FAF2: variants seen among roughly 807,000 people sequenced by gnomAD.
FAF2 encodes the protein Fas associated factor family member 2, also known as FAS-associated factor 2.
A neutral mutation model predicts 62.3 loss-of-function variants in FAF2; 9 were observed. That is an observed-to-expected ratio of 0.14 (90% CI 0.09 to 0.25). The LOEUF (loss-of-function observed/expected upper bound fraction) is 0.25. FAF2 is among the 10% of genes least tolerant of loss of function. FAF2 has a pLI of 1.00. For missense variants in FAF2, 368 were observed against 556.2 expected, an observed-to-expected ratio of 0.66 and a Z score of 3.40; for synonymous variants, 202 against 198.0, an observed-to-expected ratio of 1.02 and a Z score of -0.17.
chr5:176,467,513 T>A (rs572747391), intron 1 of FAF2, among the ~76,000 whole-genome samples: 2 of 152,176 alleles, frequency 1.3e-5, no homozygotes, highest in Non-Finnish European at 2.9e-5. Context: ...TTTGTATTTA[T>A]ACAGAACCGG....
At chr5:176,493,060 C>A (rs1404812502) in intron 5 of FAF2, among the ~76,000 whole-genome samples, 1 of 151,994 alleles carries the variant, frequency 6.6e-6, no homozygotes, top group Non-Finnish European at 1.5e-5. Flanking sequence ...CTCTAGTTTG[C>A]CAGAGAAATA....
At position 176,498,922 on chromosome 5, in the gene FAF2, G is replaced by T. The variant is rs1183215058; in HGVS notation, c.848G>T (p.Arg283Ile). The T allele has an allele frequency of 6.3e-7, 1 of 1,593,204 alleles. No individual in the cohort carries two copies. Among genetic ancestry groups the T allele is most frequent in the Non-Finnish European group, 8.5e-7 (1 of 1,170,164 alleles). Residue 283 changes from arginine to isoleucine, a missense_variant, in exon 9 of 11, where the codon AGA becomes ATA. Physicochemically the swap from Arg to Ile is moderately conservative, Grantham distance 97. Around this residue, in one of 2 missense-constraint regions of FAF2, gnomAD observed 331 missense variants for 441.9 expected, o/e 0.75. Coordinates refer to ENST00000261942, the MANE Select transcript of FAF2 (RefSeq NM_014613.3). Reference sequence around the variant, plus strand: ...TTTTGATCTATTCACAGGGAAGAAAGAAACCAGACCCAAGTGCTGAGACAA... The same window carrying T: ...TTTTGATCTATTCACAGGGAAGAAATAAACCAGACCCAAGTGCTGAGACAA... ...LVSERLEREE[R>I]NQTQVLRQQQ...
chr5:176,477,367 G>A (rs1297953499), intron 1 of FAF2, among the ~76,000 whole-genome samples: 1 of 151,378 alleles, frequency 6.6e-6, no homozygotes, highest in Non-Finnish European at 1.5e-5. Flanking sequence ...GATTACAGGC[G>A]TGAGCCACCA....
chr5:176,496,127 A>G (rs1482265992), intron 7 of FAF2, among the ~76,000 whole-genome samples: 2 of 152,126 alleles, frequency 1.3e-5, no homozygotes, highest in Non-Finnish European at 2.9e-5. Flanking sequence ...AGCCTGTCCT[A>G]TTCTAGTCAA....
chr5:176,481,251 T>C (rs1758779576), intron 2 of FAF2, among the ~76,000 whole-genome samples: 1 of 152,090 alleles, frequency 6.6e-6, no homozygotes, highest in African/African-American at 2.4e-5. Flanking sequence ...TTTCACCATA[T>C]TGGCCAGGCT....
chr5:176,460,245 C>T (rs1758354794), intron 1 of FAF2, among the ~76,000 whole-genome samples: 1 of 151,866 alleles, frequency 6.6e-6, no homozygotes, highest in African/African-American at 2.4e-5. Context: ...GGGTGTATAC[C>T]CATTAATGGG....
At position 176,507,247 on chromosome 5, in the gene FAF2, A is replaced by G. The variant is rs1272669890; in HGVS notation, c.*297A>G. ...ACCTTCCAGTGAACAGAGACTCTTC[A>G]CCTTCGACCCATCCATTGTCCCAGC... On this transcript the variant is annotated 3_prime_UTR_variant, in exon 11 of 11. Coordinates refer to ENST00000261942, the MANE Select transcript of FAF2 (RefSeq NM_014613.3). The G allele has an allele frequency of 8.8e-6, 4 of 452,848 alleles. No homozygotes were observed. The highest frequency in any genetic ancestry group is 4.0e-5 in the African/African-American group (2 of 49,630). The allele number at this position is 452,848 out of a possible 1,614,324, so 28.1% of individuals were successfully genotyped here.
chr5:176,470,352 C>T (rs556981493), intron 1 of FAF2, among the ~76,000 whole-genome samples: 5 of 152,260 alleles, frequency 3.3e-5, no homozygotes, highest in South Asian at 4.1e-4. Context: ...CCGAGGCGGG[C>T]GGATCACCTG....
At chr5:176,491,592 G>T (rs772076597) in intron 4 of FAF2, among the ~76,000 whole-genome samples, 1 of 152,166 alleles carries the variant, frequency 6.6e-6, no homozygotes, top group Non-Finnish European at 1.5e-5. Context: ...GAAAGGAGAA[G>T]GAGGGGCAAG....
At position 176,507,033 on chromosome 5, in the gene FAF2, A is replaced by T. The variant is rs1005866816; in HGVS notation, c.*83A>T. 1.0e-6 allele frequency: 1 copy of T among 958,078 alleles called. No individual in the cohort carries two copies. The allele number at this position is 958,078 out of a possible 1,614,324, so 59.3% of individuals were successfully genotyped here. A position where few individuals can be genotyped will look rare whatever the true frequency, so the allele number is the denominator to read the frequency against. On this transcript the variant is annotated 3_prime_UTR_variant, in exon 11 of 11. Transcript: ENST00000261942. Reference sequence around the variant, plus strand: ...AAAACAACAGCAAGTCAGAAAAAAAAAACAAGAGAGAGAAATTCATATTAT... The same window carrying T: ...AAAACAACAGCAAGTCAGAAAAAAATAACAAGAGAGAGAAATTCATATTAT...
At position 176,494,341 on chromosome 5, in the gene FAF2, T is replaced by C. The variant is rs1759024801; in HGVS notation, c.661+66T>C. The C allele has an allele frequency of 7.7e-7, 1 of 1,291,202 alleles. No homozygotes were observed. The highest frequency in any genetic ancestry group is 1.1e-6 in the Non-Finnish European group (1 of 887,254). The allele number at this position is 1,291,202 out of a possible 1,614,324, so 80.0% of individuals were successfully genotyped here. A position where few individuals can be genotyped will look rare whatever the true frequency, so the allele number is the denominator to read the frequency against. On this transcript the variant is annotated intron_variant, in intron 7 of 10. Transcript: ENST00000261942. This position sits in a 1 kb window ranked among gnomAD's most constrained non-coding sequence, Gnocchi z 4.0. ...ATCTTTGGAATAGTCTGGAAAGACATGCCATGCCATTTATTACAAGTGTGT... is the reference window on the plus strand; with the variant it reads ...ATCTTTGGAATAGTCTGGAAAGACACGCCATGCCATTTATTACAAGTGTGT...
chr5:176,494,401 T>C lies in FAF2; in HGVS notation c.661+126T>C. 3.9e-6 allele frequency: 3 copies of C among 763,452 alleles called. No homozygotes were observed. Among genetic ancestry groups the C allele is most frequent in the Non-Finnish European group, 6.9e-6 (3 of 436,964 alleles). The allele number at this position is 763,452 out of a possible 1,614,324, so 47.3% of individuals were successfully genotyped here. A position where few individuals can be genotyped will look rare whatever the true frequency, so the allele number is the denominator to read the frequency against. On this transcript the variant is annotated intron_variant, in intron 7 of 10. Coordinates refer to ENST00000261942, the MANE Select transcript of FAF2 (RefSeq NM_014613.3). This position sits in a 1 kb window ranked among gnomAD's most constrained non-coding sequence, Gnocchi z 4.0. The stretch of plus-strand genomic sequence containing the variant: ...GGTAGATACGACGCTAGTTGCTATT[T>C]TATATTGTCTCATTTAATCCTCTCA...
chr5:176,480,679 C>T (rs2113733473), intron 2 of FAF2, among the ~76,000 whole-genome samples: 1 of 151,956 alleles, frequency 6.6e-6, no homozygotes, highest in Non-Finnish European at 1.5e-5. Context: ...TCCCAAAGTA[C>T]TGGGATTACA....
At chr5:176,493,658 C>T (rs1759013472) in intron 5 of FAF2, among the ~76,000 whole-genome samples, 1 of 152,172 alleles carries the variant, frequency 6.6e-6, no homozygotes, top group Non-Finnish European at 1.5e-5. Context: ...TCAGATTCTC[C>T]TGTTTTTATC....
intron 1 of FAF2, among the ~76,000 whole-genome samples, chr5:176,463,993 G>T (rs1758423849): frequency 6.6e-6 from 1 of 152,156 alleles, no homozygotes; most frequent in Non-Finnish European, 1.5e-5. Flanking sequence ...GCCTCCCATA[G>T]TGCTGAGATT....
chr5:176,460,029 C>T (rs543423642), intron 1 of FAF2, among the ~76,000 whole-genome samples: 2 of 152,214 alleles, frequency 1.3e-5, no homozygotes, highest in Non-Finnish European at 2.9e-5. Context: ...TGACGGCCTC[C>T]GGCTACATCC....
chr5:176,457,402 G>C (rs914259874), intron 1 of FAF2, among the ~76,000 whole-genome samples: 4 of 151,986 alleles, frequency 2.6e-5, no homozygotes, highest in Non-Finnish European at 5.9e-5. Context: ...TGTTGGGCAG[G>C]CTGGTCTCGA....
intron 1 of FAF2, among the ~76,000 whole-genome samples, chr5:176,462,086 G>T (rs1455399116): frequency 6.6e-6 from 1 of 152,140 alleles, no homozygotes; most frequent in Admixed American, 6.6e-5. Flanking sequence ...AGACCAGCCT[G>T]GCCAATGTGG....
intron 1 of FAF2, among the ~76,000 whole-genome samples, chr5:176,475,329 C>A (rs1320701884): frequency 1.3e-5 from 2 of 151,994 alleles, no homozygotes; most frequent in Non-Finnish European, 2.9e-5. Flanking sequence ...GATGGAGTTT[C>A]TCTATATTGG....
Sources: gnomAD v4.1 joint callset for allele counts (sites outside exome capture counted in the v4.1 genomes callset) on GRCh38, gnomAD v4.1.1 for gene constraint, gnomAD v4.1.1 regional missense constraint, Gnocchi (gnomAD v3.1) non-coding constraint, MANE v1.5 for transcripts, NCBI Gene and HGNC (gene_info 2026-07-23, HGNC 2026-07-21) for gene names.